The following BCAS4 variants were observed in gnomAD, a reference collection of about 807,000 sequenced individuals.
BCAS4 encodes the protein breast carcinoma amplified sequence 4.
A neutral mutation model predicts 15.7 loss-of-function variants in BCAS4; 9 were observed. That is an observed-to-expected ratio of 0.57 (90% CI 0.34 to 1.00). The LOEUF (loss-of-function observed/expected upper bound fraction) is 1.00. Ranked by LOEUF, BCAS4 falls within the 50% of genes least tolerant of loss-of-function variation. The pLI is 0.02. For synonymous variants in BCAS4, 101 were observed against 99.5 expected (o/e 1.02, Z -0.09); for missense variants, 225 against 239.1 (o/e 0.94, Z 0.39).
chr20:50,800,605 A>G (rs1330244007), intron 1 of BCAS4, among the ~76,000 whole-genome samples: 1 of 118,476 alleles, frequency 8.4e-6, no homozygotes, highest in Non-Finnish European at 1.6e-5. Flanking sequence ...CTTGTCACCC[A>G]GGCTGGAGTG....
rs1427820236 is a variant in BCAS4, at chr20:50,806,731, AGGTATATATATTCAGGGGGT to A, written c.91-11479_91-11460del. Among the ~76,000 whole-genome samples the A allele has an allele frequency of 7.9e-3, 1,204 of 151,846 alleles. 15 individuals carry two copies. The highest frequency in any genetic ancestry group is 0.028 in the African/African-American group (1,164 of 41,414). On this transcript the variant is annotated intron_variant, in intron 1 of 4. Transcript: ENST00000371608. ...TTTTTAATTTTTGGGGGTATATAGTAGGTATATATATTCAGGGGGTACATGAGATGTTTTGATACAGGCAT... is the reference window on the plus strand; with the variant it reads ...TTTTTAATTTTTGGGGGTATATAGTAACATGAGATGTTTTGATACAGGCAT...
intron 1 of BCAS4, among the ~76,000 whole-genome samples, chr20:50,809,616 G>T (rs1017928225): frequency 6.6e-6 from 1 of 151,880 alleles, no homozygotes; most frequent in Admixed American, 6.6e-5. Flanking sequence ...ATGAATTTTA[G>T]GATTTTTTTT....
At chr20:50,842,008 C>T in intron 4 of BCAS4, 108 bp downstream of exon 4, 5 of 1,352,498 alleles carry the variant, frequency 3.7e-6, no homozygotes, top group Non-Finnish European at 4.9e-6. Context: ...GGGCACATTT[C>T]ACTTCTGCAG....
intron 1 of BCAS4, among the ~76,000 whole-genome samples, chr20:50,796,365 T>A (rs1281578663): frequency 7.6e-6 from 1 of 130,744 alleles, no homozygotes; most frequent in African/African-American, 2.9e-5. Context: ...CAAAACTCCC[T>A]CTCAAAAAAA....
At chr20:50,837,997 CAT>C (rs201434139) in intron 3 of BCAS4, among the ~76,000 whole-genome samples, 5 of 126,738 alleles carry the variant, frequency 3.9e-5, no homozygotes, top group Admixed American at 7.5e-5. Flanking sequence ...CACATCTGCA[CAT>C]ACACACACAC....
intron 1 of BCAS4, among the ~76,000 whole-genome samples, chr20:50,802,996 C>A (rs1054058538): frequency 6.6e-5 from 10 of 152,190 alleles, no homozygotes; most frequent in Non-Finnish European, 1.5e-4. Context: ...GCCTGGCCAA[C>A]ATGGCAAAAC....
intron 4 of BCAS4, among the ~76,000 whole-genome samples, chr20:50,871,419 T>C (rs1568687452): frequency 6.6e-6 from 1 of 152,250 alleles, no homozygotes; most frequent in Non-Finnish European, 1.5e-5. Context: ...TGCGGGCATC[T>C]GGTTGTTTTC....
intron 1 of BCAS4, among the ~76,000 whole-genome samples, chr20:50,798,225 G>C (rs2087889603): frequency 6.6e-6 from 1 of 152,054 alleles, no homozygotes; most frequent in Non-Finnish European, 1.5e-5. Context: ...GAACCTGGGA[G>C]GTGGAGGTTG....
At chr20:50,836,368 G>C (rs777829445) in intron 3 of BCAS4, among the ~76,000 whole-genome samples, 8 of 152,108 alleles carry the variant, frequency 5.3e-5, no homozygotes, top group African/African-American at 9.7e-5. Flanking sequence ...AACCCCCTTA[G>C]AGTCAGTTTC....
chr20:50,801,094 C>G (rs2087921096), intron 1 of BCAS4, among the ~76,000 whole-genome samples: 1 of 152,048 alleles, frequency 6.6e-6, no homozygotes, highest in Non-Finnish European at 1.5e-5. Context: ...ACCTGCTGGT[C>G]CCCTTTGGGC....
chr20:50,834,153 G>A (rs1036557202), intron 3 of BCAS4, among the ~76,000 whole-genome samples: 1 of 152,086 alleles, frequency 6.6e-6, no homozygotes, highest in South Asian at 2.1e-4. Flanking sequence ...CCATCAGAGG[G>A]ATTGCAGCTG....
rs758848754 is a variant in BCAS4, at chr20:50,818,225, G to A, written c.105G>A (p.Glu35=). ...CTCTTTTTCAGGCGAAGGAGGTGGA[G>A]GAGACCATCGAGGGCATGCTCCTCA... ...PEPGAEAKEV[E]ETIEGMLLRL... The change falls in exon 2 of 5, where the codon GAG becomes GAA. Residue 35 remains glutamate (E), a synonymous_variant. Transcript: ENST00000371608. The A allele has an allele frequency of 8.1e-6, 13 of 1,613,932 alleles. No individual in the cohort carries two copies. The highest frequency in any genetic ancestry group is 1.7e-5 in the Admixed American group (1 of 60,008).
At chr20:50,837,709 G>T (rs1445092892) in intron 3 of BCAS4, among the ~76,000 whole-genome samples, 1 of 152,188 alleles carries the variant, frequency 6.6e-6, no homozygotes, top group Non-Finnish European at 1.5e-5. Flanking sequence ...AGCCTCTCTG[G>T]CTGCGGCTTG....
In BCAS4 at chr20:50,812,289, C is replaced by A. The variant is rs546483238; in HGVS notation, c.91-5922C>A. On this transcript the variant is annotated intron_variant, in intron 1 of 4. Coordinates refer to ENST00000371608, the MANE Select transcript of BCAS4 (RefSeq NM_198799.4). ...CTGGGACTACAGGCGCCCACTACCACGCCCGGCTAATTTTTTGTATTTTTT... is the reference window on the plus strand; with the variant it reads ...CTGGGACTACAGGCGCCCACTACCAAGCCCGGCTAATTTTTTGTATTTTTT... Among the ~76,000 whole-genome samples, 4 of 152,024 alleles carry A rather than the reference C, an allele frequency of 2.6e-5. No individual in the cohort carries two copies. In the East Asian group the frequency reaches 7.7e-4, roughly 29 times the overall value.
At chr20:50,827,684 A>T (rs2088293288) in intron 2 of BCAS4, among the ~76,000 whole-genome samples, 1 of 152,128 alleles carries the variant, frequency 6.6e-6, no homozygotes, top group African/African-American at 2.4e-5. Context: ...CTCCAGACTC[A>T]GCTCAGTCCT....
At chr20:50,867,778 G>A (rs1422032190) in intron 4 of BCAS4, among the ~76,000 whole-genome samples, 1 of 152,200 alleles carries the variant, frequency 6.6e-6, no homozygotes, top group Non-Finnish European at 1.5e-5. Flanking sequence ...GCCAGGTGTG[G>A]TGGCGCACGC....
chr20:50,863,054 C>T (rs1979168756), intron 4 of BCAS4, among the ~76,000 whole-genome samples: 1 of 151,904 alleles, frequency 6.6e-6, no homozygotes, highest in South Asian at 2.1e-4. Flanking sequence ...TGGTCTCGAA[C>T]TCCTGAGCTC....
chr20:50,847,728 A>G (rs762371365), intron 4 of BCAS4, among the ~76,000 whole-genome samples: 1 of 152,146 alleles, frequency 6.6e-6, no homozygotes, highest in African/African-American at 2.4e-5. Context: ...AAGAATACAG[A>G]CAGTGACCAA....
At chr20:50,835,762 A>ACT in intron 3 of BCAS4, among the ~76,000 whole-genome samples, 1 of 151,962 alleles carries the variant, frequency 6.6e-6, no homozygotes, top group African/African-American at 2.4e-5. Context: ...GCTGAGTGGC[A>ACT]CTCACCTCCT....
Sources: gnomAD v4.1 joint callset for allele counts (sites outside exome capture counted in the v4.1 genomes callset) on GRCh38, gnomAD v4.1.1 for gene constraint, MANE v1.5 for transcripts, NCBI Gene and HGNC (gene_info 2026-07-23, HGNC 2026-07-21) for gene names.